Variants in RANBP2 observed in about 807,000 individuals in gnomAD.
RANBP2 encodes the protein RAN binding protein 2, also known as E3 SUMO-protein ligase RanBP2.
Under a neutral mutation model 303.6 loss-of-function variants are expected in RANBP2, and 57 were observed. The observed-to-expected ratio is 0.19, with a 90% CI of 0.15 to 0.23. The LOEUF (loss-of-function observed/expected upper bound fraction) is 0.23, where lower values mean the gene tolerates loss of function less well. Among genes scored for constraint, RANBP2 ranks in the 10% least tolerant of loss-of-function variants. RANBP2 has a pLI of 1.00. For synonymous variants in RANBP2, 1,167 were observed against 1,301.5 expected (o/e 0.90, Z 2.23); for missense variants, 3,138 against 3,780.8 (o/e 0.83, Z 4.46).
chr2:108,955,887 G>A, the RANBP2 span, among the ~76,000 whole-genome samples: 1 of 151,762 alleles, frequency 6.6e-6, no homozygotes, highest in East Asian at 1.9e-4. Flanking sequence ...AAATTAGCCG[G>A]GCATGGTGGC....
the RANBP2 span, among the ~76,000 whole-genome samples, chr2:109,358,554 A>C: frequency 3.9e-5 from 6 of 152,174 alleles, no homozygotes; most frequent in African/African-American, 1.4e-4. Flanking sequence ...CATCCTCATC[A>C]ACACACTACA....
chr2:108,732,503 G>T (rs1236295107), intron 4 of RANBP2, among the ~76,000 whole-genome samples: 1 of 152,158 alleles, frequency 6.6e-6, no homozygotes, highest in Non-Finnish European at 1.5e-5. Flanking sequence ...CTGGTCTCAA[G>T]CATTTTGCAT....
chr2:108,819,862 A>G, the RANBP2 span, among the ~76,000 whole-genome samples: 1 of 81,830 alleles, frequency 1.2e-5, no homozygotes, highest in South Asian at 3.9e-4. Context: ...AGAAATGCAG[A>G]TCTCTGAACT....
chr2:109,702,318 G>A, the RANBP2 span, among the ~76,000 whole-genome samples: 1 of 152,238 alleles, frequency 6.6e-6, no homozygotes, highest in Non-Finnish European at 1.5e-5. Flanking sequence ...AGATCAGAAA[G>A]AGGAGATGAA....
the RANBP2 span, among the ~76,000 whole-genome samples, chr2:109,220,900 C>T: frequency 1.2e-4 from 19 of 152,284 alleles, no homozygotes; most frequent in South Asian, 1.9e-3. Context: ...CTATATAATC[C>T]AGCAGTTCTA....
At chr2:109,621,710 G>A in the RANBP2 span, among the ~76,000 whole-genome samples, 2 of 151,876 alleles carry the variant, frequency 1.3e-5, no homozygotes, top group African/African-American at 4.8e-5. Flanking sequence ...TTAGGAGTTC[G>A]AGACCAGCCT....
At chr2:109,550,500 G>A in the RANBP2 span, among the ~76,000 whole-genome samples, 1 of 151,802 alleles carries the variant, frequency 6.6e-6, no homozygotes, top group East Asian at 2.0e-4. Flanking sequence ...TTTTAGTAGA[G>A]ATGGGGTTTC....
At chr2:108,840,796 CT>C in the RANBP2 span, among the ~76,000 whole-genome samples, 1 of 151,080 alleles carries the variant, frequency 6.6e-6, no homozygotes, top group South Asian at 2.1e-4. Flanking sequence ...TTCTTTTTTT[CT>C]TTTTTTCTTT....
chr2:109,606,099 A>G, the RANBP2 span, among the ~76,000 whole-genome samples: 7 of 152,354 alleles, frequency 4.6e-5, no homozygotes, highest in African/African-American at 7.2e-5. Flanking sequence ...AACAGTACTC[A>G]GCTCATGGGC....
the RANBP2 span, among the ~76,000 whole-genome samples, chr2:109,350,304 G>A: frequency 6.6e-5 from 10 of 152,216 alleles, no homozygotes; most frequent in Admixed American, 4.6e-4. Context: ...AGCCACGGGA[G>A]GCCCAGCATC....
chr2:109,727,335 C>T, the RANBP2 span, among the ~76,000 whole-genome samples: 1 of 152,086 alleles, frequency 6.6e-6, no homozygotes, highest in Non-Finnish European at 1.5e-5. Flanking sequence ...GGATGCTCAC[C>T]ACAGTTCCAT....
the RANBP2 span, chr2:109,398,949 A>G: frequency 6.2e-7 from 1 of 1,606,896 alleles, no homozygotes; most frequent in Non-Finnish European, 8.5e-7. Context: ...CCCAGGTAAC[A>G]TCCCGCGGGC....
the RANBP2 span, among the ~76,000 whole-genome samples, chr2:109,467,892 T>C: frequency 1.4e-5 from 2 of 147,786 alleles, no homozygotes; most frequent in East Asian, 1.9e-4. Flanking sequence ...CTCAGATGCC[T>C]GTAGCCAGCT....
chr2:108,755,525 G>C (rs1487300075), intron 17 of RANBP2, among the ~76,000 whole-genome samples: 3 of 151,902 alleles, frequency 2.0e-5, no homozygotes, highest in African/African-American at 7.3e-5. Context: ...ACGAAGCCAG[G>C]ACTACAGACA....
At chr2:109,701,620 G>T in the RANBP2 span, among the ~76,000 whole-genome samples, 3 of 152,120 alleles carry the variant, frequency 2.0e-5, no homozygotes, top group Admixed American at 6.5e-5. Flanking sequence ...AATCAGATAC[G>T]CATGTGTCTC....
At chr2:109,374,641 G>A in the RANBP2 span, among the ~76,000 whole-genome samples, 6 of 152,318 alleles carry the variant, frequency 3.9e-5, no homozygotes, top group South Asian at 2.1e-4. Flanking sequence ...GTCCCCTGGT[G>A]CAAGAAGGAA....
chr2:109,342,002 G>A, the RANBP2 span, among the ~76,000 whole-genome samples: 1 of 152,350 alleles, frequency 6.6e-6, no homozygotes, highest in African/African-American at 2.4e-5. Flanking sequence ...TGCTTGGTGT[G>A]TATACAATTA....
chr2:109,331,752 GC>G, the RANBP2 span, among the ~76,000 whole-genome samples: 1 of 152,164 alleles, frequency 6.6e-6, no homozygotes, highest in Admixed American at 6.5e-5. Flanking sequence ...ATATTAGGTG[GC>G]CAATAAGTAC....
the RANBP2 span, among the ~76,000 whole-genome samples, chr2:109,460,430 T>A: frequency 2.6e-5 from 4 of 152,104 alleles, no homozygotes; most frequent in African/African-American, 9.7e-5. Flanking sequence ...ACAGTGGTAG[T>A]CGTAGCCAGG....
Sources: allele counts gnomAD v4.1 joint callset (sites outside exome capture counted in the v4.1 genomes callset), GRCh38; gene constraint gnomAD v4.1.1; transcripts MANE v1.5; gene names NCBI Gene and HGNC (gene_info 2026-07-23, HGNC 2026-07-21).